The following CHRM3 variants were observed in gnomAD, a reference collection of about 807,000 sequenced individuals.
The protein encoded by CHRM3 is muscarinic acetylcholine receptor M3.
CHRM3 carries 11 observed loss-of-function variants against 41.8 expected under a neutral mutation model. The observed-to-expected ratio is 0.26, with a 90% CI of 0.17 to 0.44. The LOEUF (loss-of-function observed/expected upper bound fraction) is 0.44, where lower values mean the gene tolerates loss of function less well. CHRM3 is among the 20% of genes least tolerant of loss of function. The probability of loss-of-function intolerance (pLI) is 1.00; values close to 1 mark genes in which losing one functional copy is unlikely to be tolerated. For missense variants in CHRM3, 571 were observed against 745.4 expected, an observed-to-expected ratio of 0.77 and a Z score of 2.72; for synonymous variants, 297 against 301.4, an observed-to-expected ratio of 0.99 and a Z score of 0.15.
At chr1:239,727,860 ACTATC>A (rs1353660330) in intron 5 of CHRM3, 3 of 151,840 alleles carry the variant, frequency 2.0e-5, no homozygotes, top group Non-Finnish European at 4.4e-5. Flanking sequence ...CATGACACCA[ACTATC>A]CTTACTCACT....
chr1:239,523,262 A>G (rs746431117), intron 2 of CHRM3, among the ~76,000 whole-genome samples: 4 of 152,152 alleles, frequency 2.6e-5, no homozygotes, highest in African/African-American at 4.8e-5. Context: ...GATAATTTTC[A>G]ACGTGTCAAG....
At chr1:239,751,398 G>A (rs1476835089) in intron 5 of CHRM3, among the ~76,000 whole-genome samples, 1 of 152,066 alleles carries the variant, frequency 6.6e-6, no homozygotes, top group African/African-American at 2.4e-5. Context: ...GAAAATACGA[G>A]CAAAATTTCT....
At chr1:239,600,940 A>G (rs556523615) in intron 3 of CHRM3, among the ~76,000 whole-genome samples, 2 of 152,162 alleles carry the variant, frequency 1.3e-5, no homozygotes, top group East Asian at 3.9e-4. Flanking sequence ...TGTTTTCTCC[A>G]TATAGTGCAA....
intron 1 of CHRM3, among the ~76,000 whole-genome samples, chr1:239,448,992 CT>C (rs943251820): frequency 4.3e-4 from 66 of 152,152 alleles, no homozygotes; most frequent in African/African-American, 1.5e-3. Flanking sequence ...TTTTTTTCAA[CT>C]ACAGAATGAA....
chr1:239,750,201 G>A (rs1350213187), intron 5 of CHRM3, among the ~76,000 whole-genome samples: 2 of 152,198 alleles, frequency 1.3e-5, no homozygotes, highest in African/African-American at 2.4e-5. Context: ...TGGATGGGCC[G>A]GCTGGCAGAT....
chr1:239,720,591 C>G (rs1245575318), intron 5 of CHRM3, among the ~76,000 whole-genome samples: 1 of 151,866 alleles, frequency 6.6e-6, no homozygotes, highest in Non-Finnish European at 1.5e-5. Context: ...AATGCTTAAT[C>G]CTAAGCCTTA....
At chr1:239,769,111 C>T (rs1252138096) in intron 5 of CHRM3, among the ~76,000 whole-genome samples, 1 of 152,120 alleles carries the variant, frequency 6.6e-6, no homozygotes, top group South Asian at 2.1e-4. Flanking sequence ...TGATTTTGCA[C>T]ATCTATGCCA....
At chr1:239,517,355 G>T (rs1374699456) in intron 2 of CHRM3, among the ~76,000 whole-genome samples, 3 of 152,178 alleles carry the variant, frequency 2.0e-5, no homozygotes, top group Non-Finnish European at 4.4e-5. Context: ...GGTACAGAGA[G>T]GTTAAACAGC....
chr1:239,830,711 A>G (rs575713646), intron 6 of CHRM3, among the ~76,000 whole-genome samples: 68 of 152,306 alleles, frequency 4.5e-4, no homozygotes, highest in African/African-American at 1.2e-3. Context: ...GTCAAAAAAT[A>G]AAACCAAAGT....
chr1:239,398,483 G>A (rs941007485), intron 1 of CHRM3, among the ~76,000 whole-genome samples: 38 of 151,676 alleles, frequency 2.5e-4, no homozygotes, highest in Admixed American at 2.2e-3. Flanking sequence ...TGATCTGCCC[G>A]CCTCGGCCTC....
chr1:239,523,910 A>G (rs1669820672), intron 2 of CHRM3, among the ~76,000 whole-genome samples: 1 of 152,210 alleles, frequency 6.6e-6, no homozygotes, highest in Admixed American at 6.5e-5. Flanking sequence ...TAAATAATAA[A>G]TTAATGAATG....
intron 6 of CHRM3, among the ~76,000 whole-genome samples, chr1:239,882,539 CA>C (rs576065329): frequency 1.4e-3 from 219 of 152,116 alleles, no homozygotes; most frequent in Non-Finnish European, 2.6e-3. Flanking sequence ...CACTTAGGTA[CA>C]GAGAGATAAC....
intron 3 of CHRM3, among the ~76,000 whole-genome samples, chr1:239,623,552 G>C (rs1668675476): frequency 1.8e-5 from 2 of 111,912 alleles, no homozygotes; most frequent in Admixed American, 9.4e-5. Flanking sequence ...CATTGTGCAG[G>C]TTAGTTACAT....
At chr1:239,828,965 C>T (rs964658481) in intron 6 of CHRM3, among the ~76,000 whole-genome samples, 1 of 152,208 alleles carries the variant, frequency 6.6e-6, no homozygotes, top group Admixed American at 6.5e-5. Flanking sequence ...CCTGCTGATG[C>T]ATGGGATGCA....
chr1:239,828,912 T>C (rs918918143), intron 6 of CHRM3, among the ~76,000 whole-genome samples: 3 of 152,178 alleles, frequency 2.0e-5, no homozygotes, highest in Admixed American at 1.3e-4. Context: ...TGGTCATGGC[T>C]TGGACTAAGA....
At chr1:239,512,258 C>T (rs940692516) in intron 2 of CHRM3, among the ~76,000 whole-genome samples, 2 of 152,122 alleles carry the variant, frequency 1.3e-5, no homozygotes, top group African/African-American at 2.4e-5. Flanking sequence ...AGCTGCAGGT[C>T]GAGTTCAGGG....
chr1:239,600,499 G>A (rs1665385578), intron 3 of CHRM3, among the ~76,000 whole-genome samples: 1 of 152,054 alleles, frequency 6.6e-6, no homozygotes, highest in Non-Finnish European at 1.5e-5. Context: ...TGTTCCCAAT[G>A]AGTGGCTTTT....
At position 239,387,020 on chromosome 1, in the gene CHRM3, C is replaced by T. The variant is rs1219750854; in HGVS notation, c.-728C>T. 2 of 152,310 alleles carry T rather than the reference C, an allele frequency of 1.3e-5. No individual in the cohort carries two copies. The highest frequency in any genetic ancestry group is 2.9e-5 in the Non-Finnish European group (2 of 68,202). The allele number at this position is 152,310 out of a possible 1,614,324, so 9.4% of individuals were successfully genotyped here. ...TGCCATCGCGGATCTCCAGGCTCCT[C>T]ATCAGTCCGCCGGGGCCGCAGCAGC... On this transcript the variant is annotated 5_prime_UTR_variant, in exon 1 of 7. Transcript: ENST00000676153. The surrounding 1 kb of genome is among the most constrained non-coding windows in gnomAD (Gnocchi z 5.1).
intron 3 of CHRM3, among the ~76,000 whole-genome samples, chr1:239,596,475 A>T (rs1379481523): frequency 2.0e-5 from 3 of 152,206 alleles, no homozygotes; most frequent in Non-Finnish European, 2.9e-5. Flanking sequence ...AATTCTCAGC[A>T]AAAAGAACAA....
Sources: gnomAD v4.1 joint callset for allele counts (sites outside exome capture counted in the v4.1 genomes callset) on GRCh38, gnomAD v4.1.1 for gene constraint, Gnocchi (gnomAD v3.1) non-coding constraint, MANE v1.5 for transcripts, NCBI Gene and HGNC (gene_info 2026-07-23, HGNC 2026-07-21) for gene names.